The following FRMD3 variants were observed in gnomAD, a reference collection of about 807,000 sequenced individuals.
FRMD3 encodes the protein FERM domain-containing protein 3.
FRMD3 carries 33 observed loss-of-function variants against 70.2 expected under a neutral mutation model. That is an observed-to-expected ratio of 0.47 (90% CI 0.36 to 0.63). The LOEUF (loss-of-function observed/expected upper bound fraction) is 0.63. Among genes scored for constraint, FRMD3 ranks in the 20% least tolerant of loss-of-function variants. The pLI, the probability that FRMD3 is intolerant of heterozygous loss-of-function variation, is 0.00. For synonymous variants in FRMD3, 279 were observed against 255.9 expected (o/e 1.09, Z -0.86); for missense variants, 632 against 711.4 (o/e 0.89, Z 1.27).
At chr9:83,541,549 A>G (rs1270463030), upstream of FRMD3, among the ~76,000 whole-genome samples, 1 of 152,226 alleles carries the variant, frequency 6.6e-6, no homozygotes, top group Non-Finnish European at 1.5e-5. Flanking sequence ...TTGGCAAAGG[A>G]AGGACTGCCA....
chr9:83,573,817 G>A, the FRMD3 span, among the ~76,000 whole-genome samples: 4 of 151,346 alleles, frequency 2.6e-5, no homozygotes, highest in Non-Finnish European at 5.9e-5. Flanking sequence ...GCTTGAGTCA[G>A]ACATCCATTA....
chr9:83,436,839 G>A (rs1183289520), intron 1 of FRMD3, among the ~76,000 whole-genome samples: 1 of 148,950 alleles, frequency 6.7e-6, no homozygotes. Context: ...CAATCCAGAT[G>A]ATTTACCTAG....
chr9:83,259,120 G>A (rs1832863430), intron 13 of FRMD3, among the ~76,000 whole-genome samples: 1 of 152,198 alleles, frequency 6.6e-6, no homozygotes, highest in South Asian at 2.1e-4. Context: ...GGTCGGGGAT[G>A]CCAGACATGC....
At chr9:83,483,278 TC>T (rs1303782933) in intron 1 of FRMD3, among the ~76,000 whole-genome samples, 1 of 152,182 alleles carries the variant, frequency 6.6e-6, no homozygotes, top group Non-Finnish European at 1.5e-5. Flanking sequence ...CCTTTGCCCT[TC>T]TGCCATGACT....
rs1832145200 is a variant in FRMD3 at position 83,247,187 on chromosome 9, C to T, written c.*731G>A. On this transcript the variant is annotated 3_prime_UTR_variant, in exon 14 of 14. Transcript: ENST00000304195. ...AGTTTCTACATCCTCCAGTTCCATC[C>T]TCTGTTTTAGCAGCTTACTTACTAT... The T allele has an allele frequency of 3.0e-6, 3 of 985,238 alleles. No individual in the cohort carries two copies. The highest frequency in any genetic ancestry group is 2.4e-6 in the Non-Finnish European group (2 of 829,898). 61.0% of individuals were successfully genotyped at this position (985,238 alleles called of 1,614,324 possible). A position where few individuals can be genotyped will look rare whatever the true frequency, so the allele number is the denominator to read the frequency against.
chr9:83,437,399 C>T (rs1369281536), intron 1 of FRMD3, among the ~76,000 whole-genome samples: 2 of 152,134 alleles, frequency 1.3e-5, no homozygotes, highest in Non-Finnish European at 2.9e-5. Flanking sequence ...CTGCTAGTTC[C>T]CTCATTGATG....
Position 83,244,768 on chromosome 9 carries a change from A to T in FRMD3, c.*3150T>A. Reference sequence around the variant, plus strand: ...ATGGCCCCCATATCTCTAGTATTTCAATGAAATAAACTCATTGTGAATTCA... The same window carrying T: ...ATGGCCCCCATATCTCTAGTATTTCTATGAAATAAACTCATTGTGAATTCA... On this transcript the variant is annotated 3_prime_UTR_variant, in exon 14 of 14. Transcript: ENST00000304195. 1 of 985,390 alleles carries T rather than the reference A, an allele frequency of 1.0e-6. No homozygotes were observed. Among genetic ancestry groups the T allele is most frequent in the Non-Finnish European group, 1.2e-6 (1 of 829,862 alleles). The allele number at this position is 985,390 out of a possible 1,614,324, so 61.0% of individuals were successfully genotyped here. A position where few individuals can be genotyped will look rare whatever the true frequency, so the allele number is the denominator to read the frequency against.
At chr9:83,266,940 C>G in intron 13 of FRMD3, 1 of 1,470,752 alleles carries the variant, frequency 6.8e-7, no homozygotes, top group East Asian at 2.5e-5. Flanking sequence ...CCTCTCTCCA[C>G]CAGCAGTGAG....
chr9:83,284,110 C>G (rs1367843217), intron 13 of FRMD3, among the ~76,000 whole-genome samples: 2 of 41,646 alleles, frequency 4.8e-5, no homozygotes, highest in South Asian at 1.3e-3. Flanking sequence ...TTTGTGATTT[C>G]TGAATTTTTT....
intron 1 of FRMD3, among the ~76,000 whole-genome samples, chr9:83,510,432 G>A (rs1829313116): frequency 1.3e-5 from 2 of 152,282 alleles, no homozygotes; most frequent in African/African-American, 4.8e-5. Flanking sequence ...TGGCGGGTAA[G>A]GTAACATGGT....
chr9:83,269,128 A>C (rs1833420597), intron 13 of FRMD3, among the ~76,000 whole-genome samples: 1 of 152,214 alleles, frequency 6.6e-6, no homozygotes, highest in East Asian at 1.9e-4. Context: ...ACACACGATG[A>C]ATTTCATAGA....
intron 13 of FRMD3, among the ~76,000 whole-genome samples, chr9:83,253,875 T>A (rs1325405226): frequency 6.6e-6 from 1 of 152,138 alleles, no homozygotes; most frequent in Non-Finnish European, 1.5e-5. Context: ...CAAATGTCCA[T>A]CAATGATAGA....
At chr9:83,488,972 T>TTGTGTGTGTG (rs4014025) in intron 1 of FRMD3, among the ~76,000 whole-genome samples, 6,300 of 135,446 alleles carry the variant, frequency 0.047, 184 homozygotes, top group Non-Finnish European at 0.052. Flanking sequence ...CCCTATACCT[T>TTGTGTGTGTG]TGTGTGTGTG....
chr9:83,436,175 T>C (rs1438984108), intron 1 of FRMD3, among the ~76,000 whole-genome samples: 1 of 152,170 alleles, frequency 6.6e-6, no homozygotes, highest in Non-Finnish European at 1.5e-5. Flanking sequence ...GATTCTGATC[T>C]TGGACTCTGA....
chr9:83,515,469 T>C (rs7042568), intron 1 of FRMD3, among the ~76,000 whole-genome samples: 59,604 of 152,034 alleles, frequency 0.39, 12,166 homozygotes, highest in Middle Eastern at 0.46. Context: ...TCTGGGACTA[T>C]GTGAAAAGAC....
chr9:83,514,940 C>T (rs575244032), intron 1 of FRMD3, among the ~76,000 whole-genome samples: 8 of 152,214 alleles, frequency 5.3e-5, no homozygotes, highest in East Asian at 1.9e-4. Flanking sequence ...AGGCTGACCA[C>T]GCAATAACTC....
chr9:83,452,761 C>T (rs1827703551), intron 1 of FRMD3, among the ~76,000 whole-genome samples: 1 of 151,616 alleles, frequency 6.6e-6, no homozygotes, highest in Non-Finnish European at 1.5e-5. Flanking sequence ...GGATTACAGG[C>T]GTGAGCCACC....
intron 11 of FRMD3, 130 bp downstream of exon 11, chr9:83,298,982 G>T: frequency 3.2e-6 from 3 of 929,020 alleles, no homozygotes; most frequent in Non-Finnish European, 5.2e-6. Flanking sequence ...GCATAAGACA[G>T]CAATGGAGTA....
At chr9:83,430,649 G>A (rs1193067523) in intron 1 of FRMD3, among the ~76,000 whole-genome samples, 4 of 151,772 alleles carry the variant, frequency 2.6e-5, no homozygotes, top group Non-Finnish European at 5.9e-5. Context: ...TCACACCAAC[G>A]AGCCAGCAAA....
Sources: allele counts gnomAD v4.1 joint callset (sites outside exome capture counted in the v4.1 genomes callset), GRCh38; gene constraint gnomAD v4.1.1; transcripts MANE v1.5; gene names NCBI Gene and HGNC (gene_info 2026-07-23, HGNC 2026-07-21).